Variants in SPIDR observed in about 807,000 individuals in gnomAD.
The protein encoded by SPIDR is scaffold protein involved in DNA repair, also known as DNA repair-scaffolding protein.
SPIDR carries 93 observed loss-of-function variants against 104.6 expected under a neutral mutation model. The ratio of observed to expected loss-of-function variants is 0.89; its 90% CI spans 0.75 to 1.06. The LOEUF is 1.06. SPIDR is among the 50% of genes least tolerant of loss of function. The pLI is 0.00. For missense variants in SPIDR, 1,154 were observed against 1,111.2 expected (o/e 1.04, Z -0.55); for synonymous variants, 431 against 416.9 (o/e 1.03, Z -0.41).
At chr8:47,573,013 G>A (rs959853267) in intron 8 of SPIDR, among the ~76,000 whole-genome samples, 7 of 152,170 alleles carry the variant, frequency 4.6e-5, no homozygotes, top group African/African-American at 1.7e-4. Context: ...TTAACAAACA[G>A]CATTTTGGGT....
chr8:47,687,162 A>C (rs1016209500), intron 11 of SPIDR, among the ~76,000 whole-genome samples: 2 of 152,216 alleles, frequency 1.3e-5, no homozygotes, highest in African/African-American at 4.8e-5. Flanking sequence ...TGGACCATAC[A>C]TTTGTAAAAG....
At chr8:47,408,074 A>G in intron 7 of SPIDR, 113 bp downstream of exon 7, 1 of 510,656 alleles carries the variant, frequency 2.0e-6, no homozygotes, top group Non-Finnish European at 3.3e-6. Flanking sequence ...CTTTTTAAAA[A>G]TTTTTTCCAA....
intron 5 of SPIDR, among the ~76,000 whole-genome samples, chr8:47,319,837 T>G (rs566056817): frequency 1.8e-4 from 27 of 152,166 alleles, no homozygotes; most frequent in Non-Finnish European, 3.5e-4. Context: ...AACCTGCTCC[T>G]GAATGACTAC....
rs981935271 is a variant in SPIDR at position 47,320,535 on chromosome 8, C to T, written c.525+26505C>T. Among the ~76,000 whole-genome samples the T allele has an allele frequency of 4.6e-5, 7 of 152,202 alleles. No homozygotes were observed. In the East Asian group the frequency reaches 1.2e-3, roughly 25 times the overall value. On this transcript the variant is annotated intron_variant, in intron 5 of 19. Transcript: ENST00000297423. ...CCAGAGGTACAAGGAGGAGCTGGTA[C>T]CATTCCTTCTGAAACTATTCCAATC...
chr8:47,351,876 G>A (rs985060975), intron 5 of SPIDR, among the ~76,000 whole-genome samples: 2 of 152,060 alleles, frequency 1.3e-5, no homozygotes, highest in Admixed American at 6.6e-5. Flanking sequence ...TCTTGTCATC[G>A]GAGTGAGCAG....
At chr8:47,577,815 G>GGCCCCACCCCAGACCTGCT (rs1264720335) in intron 8 of SPIDR, among the ~76,000 whole-genome samples, 1 of 152,102 alleles carries the variant, frequency 6.6e-6, no homozygotes, top group Non-Finnish European at 1.5e-5. Flanking sequence ...CACATTAGGG[G>GGCCCCACCCCAGACCTGCT]GCCCCACCCC....
At chr8:47,612,250 G>T (rs1441117503) in intron 10 of SPIDR, among the ~76,000 whole-genome samples, 1 of 152,148 alleles carries the variant, frequency 6.6e-6, no homozygotes, top group Non-Finnish European at 1.5e-5. Context: ...TTGCACACAG[G>T]TAAGTTAAAT....
chr8:47,312,584 A>C (rs1208461683), intron 5 of SPIDR, among the ~76,000 whole-genome samples: 1 of 151,700 alleles, frequency 6.6e-6, no homozygotes, highest in East Asian at 1.9e-4. Flanking sequence ...TTTTTCTTGT[A>C]AATTTGTTTG....
At chr8:47,523,234 C>A (rs2084445006) in intron 8 of SPIDR, among the ~76,000 whole-genome samples, 1 of 152,012 alleles carries the variant, frequency 6.6e-6, no homozygotes, top group South Asian at 2.1e-4. Context: ...CACCTAAATT[C>A]CATTTTGTGA....
intron 10 of SPIDR, among the ~76,000 whole-genome samples, chr8:47,648,817 A>G (rs185573938): frequency 6.6e-6 from 1 of 152,336 alleles, no homozygotes; most frequent in East Asian, 1.9e-4. Flanking sequence ...ATGCATCAAA[A>G]TAAGGGATAG....
chr8:47,287,746 T>C (rs2039138955), intron 3 of SPIDR, among the ~76,000 whole-genome samples: 10 of 152,212 alleles, frequency 6.6e-5, no homozygotes, highest in Non-Finnish European at 1.3e-4. Context: ...ATCGCTGTTA[T>C]TCTGTTCTTT....
intron 8 of SPIDR, among the ~76,000 whole-genome samples, chr8:47,573,204 C>T (rs944918360): frequency 1.3e-5 from 2 of 152,140 alleles, no homozygotes; most frequent in East Asian, 3.9e-4. Flanking sequence ...GATTGTTTTT[C>T]GGCAGGCTTA....
At chr8:47,422,954 G>C (rs1317297522) in intron 7 of SPIDR, among the ~76,000 whole-genome samples, 1 of 152,030 alleles carries the variant, frequency 6.6e-6, no homozygotes, top group Non-Finnish European at 1.5e-5. Flanking sequence ...CAGTATAAAA[G>C]ACATATATCT....
intron 5 of SPIDR, among the ~76,000 whole-genome samples, chr8:47,344,539 A>G (rs1272659773): frequency 6.6e-6 from 1 of 152,202 alleles, no homozygotes; most frequent in Non-Finnish European, 1.5e-5. Context: ...TTGAGGAATC[A>G]CCACACTGTC....
chr8:47,265,703 A>G (rs772697620), intron 1 of SPIDR, among the ~76,000 whole-genome samples: 3 of 152,164 alleles, frequency 2.0e-5, no homozygotes, highest in Admixed American at 2.0e-4. Flanking sequence ...ATCTCATTCC[A>G]TTTATTTTTA....
At chr8:47,349,020 G>A (rs1209048107) in intron 5 of SPIDR, among the ~76,000 whole-genome samples, 5 of 152,184 alleles carry the variant, frequency 3.3e-5, no homozygotes, top group African/African-American at 1.2e-4. Context: ...TCCTTTGGAG[G>A]GGAAGAGGCC....
chr8:47,549,335 G>A (rs1168964605), intron 8 of SPIDR, among the ~76,000 whole-genome samples: 2 of 152,166 alleles, frequency 1.3e-5, no homozygotes, highest in African/African-American at 4.8e-5. Context: ...GATCCTAGAG[G>A]AGTCGTCACA....
intron 8 of SPIDR, among the ~76,000 whole-genome samples, chr8:47,464,109 A>G (rs970893612): frequency 2.9e-4 from 36 of 126,014 alleles, no homozygotes; most frequent in African/African-American, 8.0e-4. Flanking sequence ...AACCCTAAAG[A>G]TTATACACAC....
At chr8:47,482,669 C>T (rs2077027552) in intron 8 of SPIDR, among the ~76,000 whole-genome samples, 2 of 152,294 alleles carry the variant, frequency 1.3e-5, no homozygotes, top group Middle Eastern at 3.4e-3. Flanking sequence ...GGGCTCCAGT[C>T]TATGCACTGA....
Sources: allele counts gnomAD v4.1 joint callset (sites outside exome capture counted in the v4.1 genomes callset), GRCh38; gene constraint gnomAD v4.1.1; transcripts MANE v1.5; gene names NCBI Gene and HGNC (gene_info 2026-07-23, HGNC 2026-07-21).